Variants in GLIS3 observed in about 807,000 individuals in gnomAD.
The protein encoded by GLIS3 is zinc finger protein GLIS3.
In GLIS3, 53 loss-of-function variants were observed where a neutral mutation model predicts 78.6. The ratio of observed to expected loss-of-function variants is 0.67; its 90% CI spans 0.54 to 0.85. The LOEUF is 0.85. Among genes scored for constraint, GLIS3 ranks in the 40% least tolerant of loss-of-function variants. GLIS3 has a pLI of 0.00. For missense variants in GLIS3, 1,703 were observed against 1,231.1 expected, an observed-to-expected ratio of 1.38 and a Z score of -5.74; for synonymous variants, 684 against 509.9, an observed-to-expected ratio of 1.34 and a Z score of -4.60.
intron 6 of GLIS3, among the ~76,000 whole-genome samples, chr9:3,899,425 G>A (rs994834509): frequency 5.0e-5 from 3 of 60,226 alleles, no homozygotes; most frequent in African/African-American, 1.6e-4. Context: ...AGAGTTACAT[G>A]TAAAAAAAAA....
intron 2 of GLIS3, among the ~76,000 whole-genome samples, chr9:4,223,656 C>G (rs536264943): frequency 6.6e-6 from 1 of 152,338 alleles, no homozygotes; most frequent in Non-Finnish European, 1.5e-5. Flanking sequence ...TGTGAGCAAA[C>G]AAGTTTGCTA....
intron 2 of GLIS3, among the ~76,000 whole-genome samples, chr9:4,170,215 G>C (rs1025826486): frequency 6.6e-6 from 1 of 152,138 alleles, no homozygotes. Flanking sequence ...GTTTCAAATG[G>C]GCTCTCAAAG....
intron 2 of GLIS3, among the ~76,000 whole-genome samples, chr9:4,173,933 C>A (rs556800743): frequency 7.0e-5 from 6 of 85,740 alleles, no homozygotes; most frequent in African/African-American, 9.3e-5. Flanking sequence ...CACACACACA[C>A]GCACGCACGC....
intron 6 of GLIS3, among the ~76,000 whole-genome samples, chr9:3,927,389 A>T (rs1453460526): frequency 6.6e-6 from 1 of 152,228 alleles, no homozygotes; most frequent in Non-Finnish European, 1.5e-5. Context: ...GGTATATCCA[A>T]GGCTCTGAGA....
intron 4 of GLIS3, among the ~76,000 whole-genome samples, chr9:3,938,404 A>T (rs987656584): frequency 6.6e-6 from 1 of 152,240 alleles, no homozygotes; most frequent in African/African-American, 2.4e-5. Context: ...AAGAAATTGT[A>T]TAAAACTCTT....
the GLIS3 span, among the ~76,000 whole-genome samples, chr9:4,356,785 T>G: frequency 6.6e-6 from 1 of 152,158 alleles, no homozygotes; most frequent in African/African-American, 2.4e-5. Context: ...AAAACATCAG[T>G]AAGAAAATCT....
chr9:4,369,653 G>A, the GLIS3 span, among the ~76,000 whole-genome samples: 4 of 152,252 alleles, frequency 2.6e-5, no homozygotes, highest in East Asian at 1.9e-4. Context: ...TTCCTCACAT[G>A]CACATGGAGG....
intron 2 of GLIS3, among the ~76,000 whole-genome samples, chr9:4,149,621 G>A (rs1834512754): frequency 6.6e-6 from 1 of 152,222 alleles, no homozygotes; most frequent in South Asian, 2.1e-4. Flanking sequence ...AGTACAAATA[G>A]ATGACACTAG....
intron 7 of GLIS3, among the ~76,000 whole-genome samples, chr9:3,880,822 C>G (rs975092018): frequency 6.6e-6 from 1 of 152,126 alleles, no homozygotes; most frequent in African/African-American, 2.4e-5. Context: ...TACCATCTTC[C>G]CGCTCAAAAA....
chr9:4,002,323 T>A (rs1821177149), intron 4 of GLIS3, among the ~76,000 whole-genome samples: 1 of 152,186 alleles, frequency 6.6e-6, no homozygotes, highest in African/African-American at 2.4e-5. Flanking sequence ...GTAAGTCCAG[T>A]AAAATTCATT....
chr9:3,905,640 C>G (rs986746456), intron 6 of GLIS3, among the ~76,000 whole-genome samples: 1 of 152,140 alleles, frequency 6.6e-6, no homozygotes, highest in Non-Finnish European at 1.5e-5. Flanking sequence ...GTCCCAGGGC[C>G]CCGTCTCCTT....
chr9:4,173,232 C>T (rs1412753294), intron 2 of GLIS3, among the ~76,000 whole-genome samples: 1 of 152,132 alleles, frequency 6.6e-6, no homozygotes, highest in Non-Finnish European at 1.5e-5. Flanking sequence ...GAAAAACAAG[C>T]AGACCTTTTA....
At chr9:4,290,799 C>T (rs1412701334) in intron 1 of GLIS3, among the ~76,000 whole-genome samples, 1 of 152,114 alleles carries the variant, frequency 6.6e-6, no homozygotes, top group Non-Finnish European at 1.5e-5. Flanking sequence ...CAAAATTATT[C>T]TTGTCTGCAA....
chr9:4,248,587 T>C (rs557781714), intron 2 of GLIS3, among the ~76,000 whole-genome samples: 1 of 152,354 alleles, frequency 6.6e-6, no homozygotes, highest in African/African-American at 2.4e-5. Context: ...TGATTTATAA[T>C]CCTTTGGGTA....
intron 2 of GLIS3, among the ~76,000 whole-genome samples, chr9:4,256,355 G>C (rs1381331488): frequency 6.6e-6 from 1 of 152,192 alleles, no homozygotes; most frequent in Non-Finnish European, 1.5e-5. Context: ...AGTATGAAAT[G>C]TTAATTTGCA....
At chr9:4,432,985 G>C in the GLIS3 span, among the ~76,000 whole-genome samples, 1 of 152,130 alleles carries the variant, frequency 6.6e-6, no homozygotes, top group African/African-American at 2.4e-5. Flanking sequence ...TAAGCAATGG[G>C]AGTTCAAGTC....
At chr9:4,221,469 C>G (rs566507610) in intron 2 of GLIS3, among the ~76,000 whole-genome samples, 1 of 152,252 alleles carries the variant, frequency 6.6e-6, no homozygotes, top group East Asian at 1.9e-4. Flanking sequence ...CATGAATTAG[C>G]TGGAAAATAT....
intron 4 of GLIS3, chr9:4,071,855 C>T (rs1827640009): frequency 6.6e-6 from 1 of 152,116 alleles, no homozygotes; most frequent in Admixed American, 6.5e-5. Context: ...AAAAGTCACC[C>T]TGAGAATTTC....
At chr9:4,051,444 C>G (rs1381967941) in intron 4 of GLIS3, among the ~76,000 whole-genome samples, 1 of 152,042 alleles carries the variant, frequency 6.6e-6, no homozygotes. Context: ...TGTATCTAAG[C>G]CTAAATGTAT....
Sources: allele counts gnomAD v4.1 joint callset (sites outside exome capture counted in the v4.1 genomes callset), GRCh38; gene constraint gnomAD v4.1.1; transcripts MANE v1.5; gene names NCBI Gene and HGNC (gene_info 2026-07-23, HGNC 2026-07-21).